The following SNCAIP variants were observed in gnomAD, a reference collection of about 807,000 sequenced individuals.
SNCAIP encodes synphilin-1.
In SNCAIP, 43 loss-of-function variants were observed where a neutral mutation model predicts 86.7. That is an observed-to-expected ratio of 0.50 (90% CI 0.39 to 0.64). The LOEUF is 0.64. SNCAIP is among the 30% of genes least tolerant of loss of function. The pLI, the probability that SNCAIP is intolerant of heterozygous loss-of-function variation, is 0.00. For missense variants in SNCAIP, 981 were observed against 1,103.1 expected (o/e 0.89, Z 1.57); for synonymous variants, 417 against 427.2 (o/e 0.98, Z 0.29).
At chr5:122,324,234 A>G (rs926111772) in intron 1 of SNCAIP, among the ~76,000 whole-genome samples, 1 of 152,224 alleles carries the variant, frequency 6.6e-6, no homozygotes, top group African/African-American at 2.4e-5. Context: ...AATCAGGAGT[A>G]GGATGACTTG....
intron 1 of SNCAIP, among the ~76,000 whole-genome samples, chr5:122,343,205 G>C (rs573691663): frequency 6.6e-6 from 1 of 152,114 alleles, no homozygotes; most frequent in African/African-American, 2.4e-5. Context: ...CCTCTTTTCT[G>C]CTTACTTCTT....
chr5:122,435,208 A>T (rs188931830), intron 6 of SNCAIP, among the ~76,000 whole-genome samples: 3 of 152,238 alleles, frequency 2.0e-5, no homozygotes, highest in African/African-American at 7.2e-5. Flanking sequence ...GCCACAGGGA[A>T]TGTGAAGGTG....
At position 122,379,983 on chromosome 5, in the gene SNCAIP, G is replaced by A. The variant is rs1231763866; in HGVS notation, c.-46-11106G>A. Among the ~76,000 whole-genome samples, 286 of 151,788 alleles carry A rather than the reference G, an allele frequency of 1.9e-3. 3 individuals are homozygous for A. Among genetic ancestry groups the A allele is most frequent in the African/African-American group, 6.3e-3 (260 of 41,370 alleles). ...ATTTTTGCATCAATGTTCATCAAGG[G>A]TATTGGTCTAAAATTCTCTTTTTTG... On this transcript the variant is annotated intron_variant, in intron 1 of 10. Coordinates refer to ENST00000261368, the MANE Select transcript of SNCAIP (RefSeq NM_005460.4).
intron 1 of SNCAIP, among the ~76,000 whole-genome samples, chr5:122,313,723 C>A (rs2152638454): frequency 6.6e-6 from 1 of 152,314 alleles, no homozygotes; most frequent in African/African-American, 2.4e-5. Context: ...AAGGAGACAC[C>A]TTTAAGCAGT....
chr5:122,408,235 A>G (rs1773407468), intron 3 of SNCAIP, among the ~76,000 whole-genome samples: 1 of 152,160 alleles, frequency 6.6e-6, no homozygotes, highest in Non-Finnish European at 1.5e-5. Context: ...CCCACAGAAC[A>G]GTCCCCTGGG....
chr5:122,444,310 A>G (rs1260699650), intron 7 of SNCAIP: 3 of 550,984 alleles, frequency 5.4e-6, no homozygotes, highest in East Asian at 3.9e-5. Flanking sequence ...TGCATATCTC[A>G]TAAAGGAGAG....
At chr5:122,444,269 G>A (rs760963218) in intron 7 of SNCAIP, 1 of 510,282 alleles carries the variant, frequency 2.0e-6, no homozygotes, top group Non-Finnish European at 3.8e-6. Context: ...ACCATGACAA[G>A]AGACAGAACT....
At position 122,353,015 on chromosome 5, in the gene SNCAIP, C is replaced by T. The variant is rs369959053; in HGVS notation, c.-46-38074C>T. On this transcript the variant is annotated intron_variant, in intron 1 of 10. Coordinates refer to ENST00000261368, the MANE Select transcript of SNCAIP (RefSeq NM_005460.4). Reference sequence around the variant, plus strand: ...ACACGTACATACAAAGATGACATTGCGTAGGCTCTACCTGCTTGTGGTTCT... The same window carrying T: ...ACACGTACATACAAAGATGACATTGTGTAGGCTCTACCTGCTTGTGGTTCT... Among the ~76,000 whole-genome samples, 39 of 152,262 alleles carry T rather than the reference C, an allele frequency of 2.6e-4. 1 individual carries two copies. The highest frequency in any genetic ancestry group is 1.5e-3 in the East Asian group (8 of 5,190).
rs372833471 is a variant in SNCAIP, at chr5:122,425,547, C to G, written c.1182+16C>G. On this transcript the variant is annotated intron_variant, in intron 5 of 10. Coordinates refer to ENST00000261368, the MANE Select transcript of SNCAIP (RefSeq NM_005460.4). ...GGCCATTAAGGTGACTGGTTGGGGG[C>G]TGGAACCTCCACAGCTAGAAGCTGG... 6.2e-6 allele frequency: 10 copies of G among 1,605,454 alleles called. No individual in the cohort carries two copies. Among genetic ancestry groups the G allele is most frequent in the Admixed American group, 1.7e-5 (1 of 59,980 alleles).
intron 1 of SNCAIP, among the ~76,000 whole-genome samples, chr5:122,353,600 G>C (rs1365965830): frequency 2.0e-5 from 3 of 152,070 alleles, no homozygotes; most frequent in Non-Finnish European, 2.9e-5. Context: ...GGTCTTTCTT[G>C]TGCTATTCTC....
At position 122,334,275 on chromosome 5, in the gene SNCAIP, GAAA is replaced by G. The variant is rs35820258; in HGVS notation, c.-47+22002_-47+22004del. On this transcript the variant is annotated intron_variant, in intron 1 of 10. Transcript: ENST00000261368. ...TTCACATCTCTACCATACAGATAAA[GAAA>G]AAAAAAAAAATGAAGCAAGTTTTCA... Among the ~76,000 whole-genome samples, 100 of 142,072 alleles carry G rather than the reference GAAA, an allele frequency of 7.0e-4. 3 individuals carry two copies. The highest frequency in any genetic ancestry group is 2.4e-3 in the African/African-American group (93 of 39,520). The allele number at this position is 142,072 out of a possible 152,430, so 93.2% of individuals were successfully genotyped here.
At chr5:122,329,262 CAAA>C (rs78307168) in intron 1 of SNCAIP, among the ~76,000 whole-genome samples, 15 of 81,178 alleles carry the variant, frequency 1.8e-4, no homozygotes, top group Non-Finnish European at 1.7e-4. Context: ...GGTAATGTGG[CAAA>C]AAAAAAAAAA....
Position 122,451,177 on chromosome 5 carries a change from A to G in SNCAIP, c.2330A>G (p.Asp777Gly), listed in dbSNP as rs1244867191. The G allele has an allele frequency of 1.2e-6, 2 of 1,613,888 alleles. No homozygotes were observed. Among genetic ancestry groups the G allele is most frequent in the Admixed American group, 1.7e-5 (1 of 59,968 alleles). The change falls in exon 10 of 11, where the codon GAC becomes GGC. Residue 777 changes from aspartate to glycine, a missense_variant. By Grantham distance (94) the Asp-to-Gly change is moderately conservative. Transcript: ENST00000261368. ...ATTCCTCCAAACCAGCCCTCTGGTGACCCTCAGCAGCCCAGCCCTGACAGT... is the reference window on the plus strand; with the variant it reads ...ATTCCTCCAAACCAGCCCTCTGGTGGCCCTCAGCAGCCCAGCCCTGACAGT... ...GSIPPNQPSG[D>G]PQQPSPDSTA...
At chr5:122,431,437 T>A (rs2152944406) in intron 5 of SNCAIP, among the ~76,000 whole-genome samples, 1 of 152,264 alleles carries the variant, frequency 6.6e-6, no homozygotes, top group Admixed American at 6.5e-5. Context: ...AAATTACTGA[T>A]ACAAGCAGTA....
At chr5:122,356,488 T>C (rs1032165762) in intron 1 of SNCAIP, among the ~76,000 whole-genome samples, 2 of 152,176 alleles carry the variant, frequency 1.3e-5, no homozygotes, top group Non-Finnish European at 2.9e-5. Context: ...ACTGAACTAA[T>C]TGGTCACATT....
At chr5:122,385,208 TA>T (rs1767852473) in intron 1 of SNCAIP, among the ~76,000 whole-genome samples, 1 of 152,242 alleles carries the variant, frequency 6.6e-6, no homozygotes, top group Admixed American at 6.5e-5. Context: ...TCTCCCCTGG[TA>T]CCATATACTC....
chr5:122,409,556 A>G (rs1302017411), intron 3 of SNCAIP, among the ~76,000 whole-genome samples: 1 of 152,252 alleles, frequency 6.6e-6, no homozygotes, highest in East Asian at 1.9e-4. Flanking sequence ...CCTAAATAAT[A>G]TAAAGTGTTA....
chr5:122,311,987 G>T (rs1485881980), upstream of SNCAIP: 3 of 148,072 alleles, frequency 2.0e-5, no homozygotes, highest in East Asian at 2.0e-4. Context: ...GGCAGCCTCC[G>T]CAGTGGCAGT....
At chr5:122,314,614 C>A (rs1751321753) in intron 1 of SNCAIP, among the ~76,000 whole-genome samples, 2 of 152,164 alleles carry the variant, frequency 1.3e-5, no homozygotes, top group Non-Finnish European at 2.9e-5. Flanking sequence ...TATGCAGATT[C>A]ACTTGCAGGA....
Sources: gnomAD v4.1 joint callset for allele counts (sites outside exome capture counted in the v4.1 genomes callset) on GRCh38, gnomAD v4.1.1 for gene constraint, MANE v1.5 for transcripts, NCBI Gene and HGNC (gene_info 2026-07-23, HGNC 2026-07-21) for gene names.